Variants in E2F3 observed in about 807,000 individuals in gnomAD.
E2F3 encodes the protein transcription factor E2F3.
A neutral mutation model predicts 44.4 loss-of-function variants in E2F3; 11 were observed. The observed-to-expected ratio is 0.25, with a 90% confidence interval of 0.16 to 0.41. E2F3 has a LOEUF of 0.41. Among genes scored for constraint, E2F3 ranks in the 10% least tolerant of loss-of-function variants. E2F3 has a pLI of 1.00. For missense variants in E2F3, 487 were observed against 583.6 expected, an observed-to-expected ratio of 0.83 and a Z score of 1.70; for synonymous variants, 249 against 253.0, an observed-to-expected ratio of 0.98 and a Z score of 0.15.
chr6:20,408,098 C>T (rs1282751579), intron 1 of E2F3, among the ~76,000 whole-genome samples: 2 of 152,180 alleles, frequency 1.3e-5, no homozygotes, highest in African/African-American at 4.8e-5. Flanking sequence ...ACTGTATTCA[C>T]GATTGCTAAA....
rs750427385 is a variant in E2F3, at chr6:20,472,066, A to ACACT, written c.394-7776_394-7773dup. Among the ~76,000 whole-genome samples, 776 of 148,238 alleles carry ACACT rather than the reference A, an allele frequency of 5.2e-3. 7 individuals are homozygous for ACACT. The highest frequency in any genetic ancestry group is 0.018 in the African/African-American group (741 of 40,124). ...CACACACACACACACACACACACAC[A>ACACT]CACTCACATCTATCCCTTCTGCAGG... On this transcript the variant is annotated intron_variant, in intron 1 of 6. Coordinates refer to ENST00000346618, the MANE Select transcript of E2F3 (RefSeq NM_001949.5).
intron 1 of E2F3, among the ~76,000 whole-genome samples, chr6:20,405,805 G>A (rs1180031157): frequency 6.6e-6 from 1 of 152,066 alleles, no homozygotes; most frequent in Non-Finnish European, 1.5e-5. Flanking sequence ...CCTGGCGGCA[G>A]AGCGAGATTC....
At chr6:20,434,981 G>A (rs919777815) in intron 1 of E2F3, among the ~76,000 whole-genome samples, 2 of 152,226 alleles carry the variant, frequency 1.3e-5, no homozygotes, top group Non-Finnish European at 2.9e-5. Flanking sequence ...CGCCAGGGCC[G>A]ACAGATTTGG....
intron 1 of E2F3, among the ~76,000 whole-genome samples, chr6:20,429,802 T>G (rs1171009073): frequency 1.3e-5 from 2 of 152,156 alleles, no homozygotes; most frequent in Non-Finnish European, 2.9e-5. Context: ...ATAAAATGTG[T>G]GCTTACTACA....
chr6:20,406,796 T>C lies in E2F3; in HGVS notation c.393+4171T>C, dbSNP rs139115597. On this transcript the variant is annotated intron_variant, in intron 1 of 6. Coordinates refer to ENST00000346618, the MANE Select transcript of E2F3 (RefSeq NM_001949.5). ...TTTGTTAGACCTGAACTCTCAATCT[T>C]CACCATGTCAGAGACATGCATTAGA... Among the ~76,000 whole-genome samples, 1,387 of 152,286 alleles carry C rather than the reference T, an allele frequency of 9.1e-3. 24 individuals carry two copies. Among genetic ancestry groups the C allele is most frequent in the African/African-American group, 0.031 (1,296 of 41,532 alleles).
chr6:20,479,819 A>G (rs1762162644), intron 1 of E2F3, 27 bp from the exon 2 acceptor site: 2 of 1,587,768 alleles, frequency 1.3e-6, no homozygotes, highest in Non-Finnish European at 1.7e-6. Context: ...ATGACCGGTG[A>G]CGAGAGATCG....
In E2F3 at chr6:20,402,482, C is replaced by T; in HGVS notation, c.250C>T (p.Leu84Phe). The T allele has an allele frequency of 6.2e-7, 1 of 1,608,804 alleles. No individual in the cohort carries two copies. Among genetic ancestry groups the T allele is most frequent in the East Asian group, 2.2e-5 (1 of 44,772 alleles). The change falls in exon 1 of 7, where the codon CTC (leucine) becomes TTC (phenylalanine). Residue 84 changes from leucine (L) to phenylalanine (F), a missense_variant. This residue lies in a region of E2F3 where 238 missense variants were observed against 236.0 expected (regional missense o/e 1.01). Coordinates refer to ENST00000346618, the MANE Select transcript of E2F3 (RefSeq NM_001949.5). This position sits in a 1 kb window ranked among gnomAD's most constrained non-coding sequence, Gnocchi z 5.6. ...AAGCGGCGCCGTAGCCGCCGGCCCC[C>T]TCCTCCCCAGTGCCCCCGGCGCGGA... is the stretch of plus-strand genomic sequence containing the variant. The part of the protein sequence containing the change: ...LQSGAVAAGP[L>F]LPSAPGAEQT...
chr6:20,404,626 C>T (rs1318815354), intron 1 of E2F3, among the ~76,000 whole-genome samples: 1 of 152,180 alleles, frequency 6.6e-6, no homozygotes, highest in East Asian at 1.9e-4. Flanking sequence ...TATTTCTTTC[C>T]TGTTCCCAGT....
At chr6:20,465,078 T>C (rs905351099) in intron 1 of E2F3, among the ~76,000 whole-genome samples, 4 of 152,226 alleles carry the variant, frequency 2.6e-5, no homozygotes, top group African/African-American at 9.6e-5. Flanking sequence ...CAGTGGGTTT[T>C]GATAGCACAG....
At chr6:20,486,831 G>C in intron 5 of E2F3, 28 bp downstream of exon 5, 1 of 1,436,120 alleles carries the variant, frequency 7.0e-7, no homozygotes, top group Admixed American at 1.9e-5. Context: ...TTGTTCATCT[G>C]CAAAGATCTT....
intron 1 of E2F3, among the ~76,000 whole-genome samples, chr6:20,476,231 C>T (rs1286744127): frequency 1.3e-5 from 2 of 152,026 alleles, no homozygotes; most frequent in Admixed American, 6.6e-5. Context: ...ATTAGCCGGG[C>T]GTGGTGGCGG....
At chr6:20,469,326 TA>T (rs1250997817) in intron 1 of E2F3, among the ~76,000 whole-genome samples, 1 of 152,150 alleles carries the variant, frequency 6.6e-6, no homozygotes, top group African/African-American at 2.4e-5. Flanking sequence ...ACATTAGAAC[TA>T]AAATGGCTAA....
chr6:20,408,951 G>A (rs1284654953), intron 1 of E2F3, among the ~76,000 whole-genome samples: 1 of 152,160 alleles, frequency 6.6e-6, no homozygotes, highest in Non-Finnish European at 1.5e-5. Flanking sequence ...TTTGAGAAGT[G>A]TAAGGCACAA....
intron 1 of E2F3, among the ~76,000 whole-genome samples, chr6:20,432,852 C>T (rs1760453338): frequency 6.6e-6 from 1 of 152,202 alleles, no homozygotes; most frequent in Admixed American, 6.5e-5. Flanking sequence ...CACCAAGCTG[C>T]TTCCTGCCTC....
chr6:20,426,528 G>C (rs1258287248), intron 1 of E2F3, among the ~76,000 whole-genome samples: 1 of 115,182 alleles, frequency 8.7e-6, no homozygotes, highest in Non-Finnish European at 1.9e-5. Flanking sequence ...TTTCACGTCT[G>C]CAGTTATGGC....
chr6:20,413,575 G>A (rs577323448), intron 1 of E2F3, among the ~76,000 whole-genome samples: 46 of 152,306 alleles, frequency 3.0e-4, no homozygotes, highest in African/African-American at 9.9e-4. Flanking sequence ...TGGTTTCTTG[G>A]ATTCTCAAGC....
chr6:20,440,412 C>T (rs1290900399), intron 1 of E2F3, among the ~76,000 whole-genome samples: 2 of 152,346 alleles, frequency 1.3e-5, no homozygotes, highest in African/African-American at 4.8e-5. Context: ...AGGCAGTTCT[C>T]ACTGCAGATA....
chr6:20,437,080 G>A (rs1202480917), intron 1 of E2F3, among the ~76,000 whole-genome samples: 2 of 152,186 alleles, frequency 1.3e-5, no homozygotes, highest in Non-Finnish European at 2.9e-5. Context: ...AGTAAGCTGT[G>A]ATTGTGCTGC....
Position 20,492,342 on chromosome 6 carries a change from A to G in E2F3, c.*1912A>G, listed in dbSNP as rs4134987. On this transcript the variant is annotated 3_prime_UTR_variant, in exon 7 of 7. Coordinates refer to ENST00000346618, the MANE Select transcript of E2F3 (RefSeq NM_001949.5). ...GACTATCTTCCTTTTTTTCTTCTTCAGCCTCCATCCCTGGCCTCCTCCCCT... is the reference window on the plus strand; with the variant it reads ...GACTATCTTCCTTTTTTTCTTCTTCGGCCTCCATCCCTGGCCTCCTCCCCT... The G allele has an allele frequency of 4.3e-6, 1 of 233,318 alleles. No homozygotes were observed. The highest frequency in any genetic ancestry group is 5.6e-5 in the Admixed American group (1 of 17,772). 14.5% of individuals were successfully genotyped at this position (233,318 alleles called of 1,614,324 possible).
Sources: allele counts gnomAD v4.1 joint callset (sites outside exome capture counted in the v4.1 genomes callset), GRCh38; gene constraint gnomAD v4.1.1; regional missense constraint gnomAD v4.1.1; non-coding constraint Gnocchi (gnomAD v3.1); transcripts MANE v1.5; gene names NCBI Gene and HGNC (gene_info 2026-07-23, HGNC 2026-07-21).